RIOK3: variants seen among roughly 807,000 people sequenced by gnomAD.
RIOK3 encodes the protein serine/threonine-protein kinase RIO3.
In RIOK3, 40 loss-of-function variants were observed where a neutral mutation model predicts 63.5. The ratio of observed to expected loss-of-function variants is 0.63; its 90% CI spans 0.49 to 0.82. The LOEUF (loss-of-function observed/expected upper bound fraction) is 0.82, where lower values mean the gene tolerates loss of function less well. Ranked by LOEUF, RIOK3 falls within the 40% of genes least tolerant of loss-of-function variation. The pLI is 0.00. For missense variants in RIOK3, 557 were observed against 637.0 expected, an observed-to-expected ratio of 0.87 and a Z score of 1.35; for synonymous variants, 193 against 205.0, an observed-to-expected ratio of 0.94 and a Z score of 0.50.
chr18:23,464,762 G>A, intron 5 of RIOK3, 134 bp downstream of exon 5: 2 of 467,606 alleles, frequency 4.3e-6, no homozygotes, highest in Non-Finnish European at 7.5e-6. Flanking sequence ...ATAACAATAT[G>A]GCAATATCAT....
chr18:23,466,440 C>A (rs1441433411), intron 6 of RIOK3, among the ~76,000 whole-genome samples, 164 bp downstream of exon 6: 1 of 151,914 alleles, frequency 6.6e-6, no homozygotes, highest in Non-Finnish European at 1.5e-5. Flanking sequence ...CGCCTGTAAT[C>A]CCACTACTTT....
At position 23,477,255 on chromosome 18, in the gene RIOK3, G is replaced by C; in HGVS notation, c.1331G>C (p.Arg444Thr). ...HGLEFLFRDC[R>T]NVSQFFQKGG... ...CTGGAGTTCTTGTTCCGGGACTGCAGGAATGTCTCGCAGGTAGACGTGTAA... is the reference window on the plus strand; with the variant it reads ...CTGGAGTTCTTGTTCCGGGACTGCACGAATGTCTCGCAGGTAGACGTGTAA... Residue 444 changes from arginine (R) to threonine (T), a missense_variant, in exon 11 of 13, where the codon AGG (arginine) becomes ACG (threonine). Around this residue, in one of 3 missense-constraint regions of RIOK3, gnomAD observed 309 missense variants for 338.7 expected, o/e 0.91. Coordinates refer to ENST00000339486, the MANE Select transcript of RIOK3 (RefSeq NM_003831.5). 2 of 1,614,030 alleles carry C rather than the reference G, an allele frequency of 1.2e-6. No homozygotes were observed. Among genetic ancestry groups the C allele is most frequent in the South Asian group, 2.2e-5 (2 of 91,078 alleles).
chr18:23,467,826 G>T (rs1052647104), intron 7 of RIOK3, among the ~76,000 whole-genome samples: 4 of 151,918 alleles, frequency 2.6e-5, no homozygotes, highest in African/African-American at 9.7e-5. Flanking sequence ...CCCCAGGCTG[G>T]AGTGCAGTGG....
chr18:23,473,234 G>A (rs2145695367), intron 7 of RIOK3, among the ~76,000 whole-genome samples, 195 bp from the exon 8 acceptor site: 1 of 152,194 alleles, frequency 6.6e-6, no homozygotes, highest in South Asian at 2.1e-4. Context: ...CAATTTATTT[G>A]AAAGTATATT....
chr18:23,467,710 C>G (rs1427658991), intron 7 of RIOK3, 184 bp downstream of exon 7: 2 of 321,042 alleles, frequency 6.2e-6, no homozygotes, highest in Non-Finnish European at 1.1e-5. Flanking sequence ...TACCACCACC[C>G]AGAGATAATC....
chr18:23,479,092 G>A (rs1476610804), intron 11 of RIOK3: 1 of 413,838 alleles, frequency 2.4e-6, no homozygotes, highest in African/African-American at 2.0e-5. Flanking sequence ...AAGGATAACA[G>A]GAGTGAGCCG....
intron 1 of RIOK3, among the ~76,000 whole-genome samples, chr18:23,455,479 G>A (rs1335328291): frequency 2.0e-5 from 3 of 149,014 alleles, no homozygotes; most frequent in South Asian, 2.1e-4. Context: ...TGCAAGCTCC[G>A]CCTCCTGGGT....
chr18:23,464,464 C>A, intron 4 of RIOK3, 55 bp from the exon 5 acceptor site: 2 of 1,239,364 alleles, frequency 1.6e-6, no homozygotes, highest in Non-Finnish European at 2.3e-6. Flanking sequence ...ACGTTGAATG[C>A]AGCAATGTAG....
chr18:23,468,293 C>CTTTT (rs1245472469), intron 7 of RIOK3, among the ~76,000 whole-genome samples: 85 of 46,460 alleles, frequency 1.8e-3, no homozygotes, highest in Non-Finnish European at 2.1e-3. Flanking sequence ...CAATATACTC[C>CTTTT]TTTTTTTTTT....
chr18:23,467,014 T>TA (rs199686879), intron 6 of RIOK3, among the ~76,000 whole-genome samples: 4,923 of 140,540 alleles, frequency 0.035, 152 homozygotes, highest in East Asian at 0.15. Context: ...TCTCTGTCTC[T>TA]AAAAAAAAAA....
Position 23,472,058 on chromosome 18 carries a change from C to A in RIOK3, c.816-1371C>A, listed in dbSNP as rs2057459716. 2.6e-5 allele frequency among the ~76,000 whole-genome samples: 4 copies of A among 151,990 alleles called. No homozygotes were observed. In the South Asian group the frequency reaches 8.3e-4, roughly 32 times the overall value. ...GACCAGCCTGGCCAACATGGTGAAA[C>A]CCCGTCTCTACTAAAAATACAAAAA... On this transcript the variant is annotated intron_variant, in intron 7 of 12. Coordinates refer to ENST00000339486, the MANE Select transcript of RIOK3 (RefSeq NM_003831.5).
chr18:23,476,170 G>T (rs1178015516), intron 9 of RIOK3, among the ~76,000 whole-genome samples: 1 of 152,130 alleles, frequency 6.6e-6, no homozygotes, highest in Non-Finnish European at 1.5e-5. Flanking sequence ...ATTGAAAACA[G>T]TAGGGAGTGC....
In RIOK3 at chr18:23,479,383, T is replaced by C. The variant is rs767167541; in HGVS notation, c.1411T>C (p.Leu471=). ...ERELFNAVSG[L]NITADNEADF... is the part of the protein sequence containing the mutation. The stretch of plus-strand genomic sequence containing the variant: ...AGAACTCTTCAATGCTGTTTCAGGC[T>C]TAAACATCACAGCAGATAATGAAGC... Residue 471 remains leucine (L), a synonymous_variant, in exon 12 of 13, where the codon TTA becomes CTA. Transcript: ENST00000339486. The C allele has an allele frequency of 2.5e-6, 4 of 1,613,936 alleles. No homozygotes were observed. The highest frequency in any genetic ancestry group is 3.4e-6 in the Non-Finnish European group (4 of 1,179,842).
rs111330062 is a variant in RIOK3 at position 23,477,013 on chromosome 18, G to T, written c.1181G>T (p.Arg394Leu). Residue 394 changes from arginine to leucine, a missense_variant, in exon 10 of 13, where the codon CGG becomes CTG. Physicochemically the swap from Arg to Leu is moderately radical, Grantham distance 102 (BLOSUM62 -2). This residue lies in a region of RIOK3 where 309 missense variants were observed against 338.7 expected (regional missense o/e 0.91). Coordinates refer to ENST00000339486, the MANE Select transcript of RIOK3 (RefSeq NM_003831.5). ...EAYYQTLHLM[R>L]QLYHECTLVH... ...TGCCTTCCCTCTTCACAGTTGATGC[G>T]GCAGTTATATCATGAATGTACGCTT... The T allele has an allele frequency of 1.9e-6, 3 of 1,612,736 alleles. No individual in the cohort carries two copies. Among genetic ancestry groups the T allele is most frequent in the Non-Finnish European group, 2.5e-6 (3 of 1,179,198 alleles).
chr18:23,476,996 C>A lies in RIOK3; in HGVS notation c.1174-10C>A, dbSNP rs1193416583. ...ATTCATTTCCTAATGTGTGCCTTCC[C>A]TCTTCACAGTTGATGCGGCAGTTAT... On this transcript the variant is annotated splice_polypyrimidine_tract_variant and intron_variant, in intron 9 of 12. Coordinates refer to ENST00000339486, the MANE Select transcript of RIOK3 (RefSeq NM_003831.5). The A allele has an allele frequency of 1.9e-6, 3 of 1,609,956 alleles. No individual in the cohort carries two copies. The highest frequency in any genetic ancestry group is 3.3e-5 in the Admixed American group (2 of 59,978).
At chr18:23,471,338 G>A (rs548024091) in intron 7 of RIOK3, among the ~76,000 whole-genome samples, 1 of 152,268 alleles carries the variant, frequency 6.6e-6, no homozygotes, top group Admixed American at 6.5e-5. Flanking sequence ...TAATGCCTTA[G>A]GACAGGTACA....
chr18:23,456,989 C>T (rs530502105), intron 1 of RIOK3, among the ~76,000 whole-genome samples: 2 of 152,174 alleles, frequency 1.3e-5, no homozygotes, highest in East Asian at 1.9e-4. Flanking sequence ...TTAGAAAACA[C>T]GAGAATACCA....
chr18:23,482,742 C>G lies in RIOK3; in HGVS notation c.*1463C>G, dbSNP rs1174096821. 6.6e-6 allele frequency: 1 copy of G among 152,132 alleles called. No homozygotes were observed. The highest frequency in any genetic ancestry group is 1.5e-5 in the Non-Finnish European group (1 of 68,020). The allele number at this position is 152,132 out of a possible 1,614,324, so 9.4% of individuals were successfully genotyped here. A position where few individuals can be genotyped will look rare whatever the true frequency, so the allele number is the denominator to read the frequency against. On this transcript the variant is annotated 3_prime_UTR_variant, in exon 13 of 13. Transcript: ENST00000339486. Reference sequence around the variant, plus strand: ...ACCACTAAAGATCCAAACTTTCTGTCTGGTAATAGAAAGTAAAAATCTAGA... The same window carrying G: ...ACCACTAAAGATCCAAACTTTCTGTGTGGTAATAGAAAGTAAAAATCTAGA...
intron 5 of RIOK3, 90 bp downstream of exon 5, chr18:23,464,718 C>G: frequency 4.9e-6 from 3 of 615,530 alleles, no homozygotes; most frequent in Non-Finnish European, 7.8e-6. Context: ...CCTTAGATTT[C>G]TAAAAATGTC....
Sources: allele counts gnomAD v4.1 joint callset (sites outside exome capture counted in the v4.1 genomes callset), GRCh38; gene constraint gnomAD v4.1.1; regional missense constraint gnomAD v4.1.1; transcripts MANE v1.5; gene names NCBI Gene and HGNC (gene_info 2026-07-23, HGNC 2026-07-21).